IP6K1: variants seen among roughly 807,000 people sequenced by gnomAD.
The protein encoded by IP6K1 is ATP:1D-myo-inositol-hexakisphosphate phosphotransferase.
Under a neutral mutation model 38.3 loss-of-function variants are expected in IP6K1, and 13 were observed. The observed-to-expected ratio is 0.34, with a 90% confidence interval of 0.22 to 0.54. The LOEUF is 0.54. IP6K1 is among the 20% of genes least tolerant of loss of function. The probability of loss-of-function intolerance (pLI) is 0.92; values close to 1 mark genes in which losing one functional copy is unlikely to be tolerated. For synonymous variants in IP6K1, 212 were observed against 229.9 expected (o/e 0.92, Z 0.70); for missense variants, 397 against 599.8 (o/e 0.66, Z 3.53).
At chr3:49,739,289 G>A (rs537186549) in intron 2 of IP6K1, among the ~76,000 whole-genome samples, 2 of 151,842 alleles carry the variant, frequency 1.3e-5, no homozygotes, top group Admixed American at 1.3e-4. Flanking sequence ...ATTTTTTGTA[G>A]AGACAGGATC....
intron 1 of IP6K1, among the ~76,000 whole-genome samples, chr3:49,773,859 AT>A (rs2080981976): frequency 6.6e-6 from 1 of 152,036 alleles, no homozygotes; most frequent in Non-Finnish European, 1.5e-5. Context: ...GTCTTTATAA[AT>A]AAGTTTCAGA....
intron 4 of IP6K1, among the ~76,000 whole-genome samples, chr3:49,731,090 T>A (rs139302087): frequency 1.7e-3 from 261 of 150,550 alleles, no homozygotes; most frequent in African/African-American, 6.2e-3. Context: ...TTTATATATA[T>A]AAATATATTT....
chr3:49,747,335 T>C (rs1220798600), intron 2 of IP6K1, among the ~76,000 whole-genome samples: 1 of 152,230 alleles, frequency 6.6e-6, no homozygotes, highest in African/African-American at 2.4e-5. Flanking sequence ...TATTTTAAAA[T>C]AAATTATTTT....
chr3:49,750,275 C>A (rs1219342051), intron 1 of IP6K1, among the ~76,000 whole-genome samples: 1 of 152,140 alleles, frequency 6.6e-6, no homozygotes, highest in African/African-American at 2.4e-5. Flanking sequence ...CTGTGCTTCT[C>A]CCTGGGAATG....
chr3:49,769,279 T>C (rs1038527562), intron 1 of IP6K1, among the ~76,000 whole-genome samples: 1 of 152,194 alleles, frequency 6.6e-6, no homozygotes, highest in African/African-American at 2.4e-5. Flanking sequence ...CTAAAATTTA[T>C]ATGGTAATAA....
intron 1 of IP6K1, among the ~76,000 whole-genome samples, chr3:49,768,715 A>G (rs1416202025): frequency 6.6e-6 from 1 of 152,184 alleles, no homozygotes; most frequent in Non-Finnish European, 1.5e-5. Context: ...GGCTGCAGTG[A>G]GCCAAGACTG....
intron 3 of IP6K1, among the ~76,000 whole-genome samples, chr3:49,735,857 G>A (rs961878159): frequency 6.6e-6 from 1 of 152,180 alleles, no homozygotes; most frequent in Non-Finnish European, 1.5e-5. Flanking sequence ...ACTATGTACT[G>A]TCTCATCTAA....
chr3:49,771,904 C>T (rs557516898), intron 1 of IP6K1, among the ~76,000 whole-genome samples: 2 of 152,224 alleles, frequency 1.3e-5, no homozygotes, highest in African/African-American at 4.8e-5. Flanking sequence ...AAACACTACA[C>T]TGTGTGAAAG....
At chr3:49,755,727 C>CTT (rs1471397865) in intron 1 of IP6K1, among the ~76,000 whole-genome samples, 1 of 152,186 alleles carries the variant, frequency 6.6e-6, no homozygotes, top group Non-Finnish European at 1.5e-5. Context: ...TTGACATGGA[C>CTT]TTTGACAGGA....
rs1336335369 is a variant in IP6K1 at position 49,780,382 on chromosome 3, T to G, written c.-129+5972A>C. Among the ~76,000 whole-genome samples, 4 of 139,638 alleles carry G rather than the reference T, an allele frequency of 2.9e-5. No homozygotes were observed. The South Asian group carries it at 7.4e-4, about 26-fold the overall frequency. 91.6% of individuals were successfully genotyped at this position (139,638 alleles called of 152,430 possible). ...TACCCAGAATCTATTGCTCAAATTC[T>G]GCTGTAGTAGGAGAAATGAAAACCT... On this transcript the variant is annotated intron_variant, in intron 1 of 5. Coordinates refer to ENST00000321599, the MANE Select transcript of IP6K1 (RefSeq NM_153273.4).
At chr3:49,736,701 G>A (rs1449896352) in intron 3 of IP6K1, among the ~76,000 whole-genome samples, 1 of 151,934 alleles carries the variant, frequency 6.6e-6, no homozygotes, top group Non-Finnish European at 1.5e-5. Flanking sequence ...AATTTTGTGG[G>A]AATATATGTA....
intron 1 of IP6K1, among the ~76,000 whole-genome samples, chr3:49,752,683 C>T (rs963996481): frequency 1.3e-5 from 2 of 151,456 alleles, no homozygotes; most frequent in South Asian, 2.1e-4. Flanking sequence ...CTTTAACTCC[C>T]GACCTCAGGT....
At chr3:49,752,263 G>A (rs547678196) in intron 1 of IP6K1, among the ~76,000 whole-genome samples, 6 of 152,120 alleles carry the variant, frequency 3.9e-5, no homozygotes, top group Middle Eastern at 3.4e-3. Context: ...CAAAGCGGGT[G>A]GATCACAAGG....
chr3:49,776,968 C>T (rs561337166), intron 1 of IP6K1, among the ~76,000 whole-genome samples: 6 of 152,272 alleles, frequency 3.9e-5, no homozygotes, highest in African/African-American at 9.6e-5. Flanking sequence ...GGCACAGTGG[C>T]GCATGCCTGT....
intron 1 of IP6K1, among the ~76,000 whole-genome samples, chr3:49,767,795 T>C (rs1028552005): frequency 6.6e-6 from 1 of 152,102 alleles, no homozygotes; most frequent in Non-Finnish European, 1.5e-5. Flanking sequence ...ACCCACAGAA[T>C]AGCAGAAAAT....
At chr3:49,774,184 T>C (rs1384716132) in intron 1 of IP6K1, among the ~76,000 whole-genome samples, 1 of 151,930 alleles carries the variant, frequency 6.6e-6, no homozygotes, top group African/African-American at 2.4e-5. Context: ...GGCAGGCGGA[T>C]CATGAGGTTA....
intron 1 of IP6K1, among the ~76,000 whole-genome samples, chr3:49,766,958 CAAAAAAAAAAA>C (rs144308874): frequency 9.0e-5 from 5 of 55,392 alleles, no homozygotes; most frequent in Non-Finnish European, 1.2e-4. Flanking sequence ...GACTCCGTCT[CAAAAAAAAAAA>C]AAAAAAAAAA....
rs1179132345 is a variant in IP6K1, at chr3:49,748,187, G to C, written c.-128-19C>G. The C allele has an allele frequency of 8.6e-6, 7 of 811,164 alleles. No homozygotes were observed. In the Admixed American group the frequency reaches 1.7e-4, roughly 20 times the overall value. 50.2% of individuals were successfully genotyped at this position (811,164 alleles called of 1,614,324 possible). ...TTCTGTCCTACAGAAAAGAAGAGAGGAAGAAGGAATCAAAACACTGGGTGA... is the reference window on the plus strand; with the variant it reads ...TTCTGTCCTACAGAAAAGAAGAGAGCAAGAAGGAATCAAAACACTGGGTGA... On this transcript the variant is annotated intron_variant, in intron 1 of 5. Coordinates refer to ENST00000321599, the MANE Select transcript of IP6K1 (RefSeq NM_153273.4).
intron 1 of IP6K1, among the ~76,000 whole-genome samples, chr3:49,782,164 A>G (rs143407180): frequency 7.4e-6 from 1 of 135,440 alleles, no homozygotes; most frequent in East Asian, 2.0e-4. Context: ...AGTGGATGGA[A>G]AGTCTGCTTT....
Sources: gnomAD v4.1 joint callset for allele counts (sites outside exome capture counted in the v4.1 genomes callset) on GRCh38, gnomAD v4.1.1 for gene constraint, MANE v1.5 for transcripts, NCBI Gene and HGNC (gene_info 2026-07-23, HGNC 2026-07-21) for gene names.